SYT1: variants seen among roughly 807,000 people sequenced by gnomAD.
SYT1 encodes the protein synaptotagmin-1.
In SYT1, 8 loss-of-function variants were observed where a neutral mutation model predicts 44.8. The observed-to-expected ratio is 0.18, with a 90% confidence interval of 0.10 to 0.32. The LOEUF (loss-of-function observed/expected upper bound fraction) is 0.32, where lower values mean the gene tolerates loss of function less well. Ranked by LOEUF, SYT1 falls within the 10% of genes least tolerant of loss-of-function variation. The pLI, the probability that SYT1 is intolerant of heterozygous loss-of-function variation, is 1.00. For missense variants in SYT1, 286 were observed against 509.3 expected (o/e 0.56, Z 4.22); for synonymous variants, 154 against 188.8 (o/e 0.82, Z 1.51).
At chr12:79,366,939 TGTGTGTG>T (rs1565928043) in intron 9 of SYT1, among the ~76,000 whole-genome samples, 3 of 147,718 alleles carry the variant, frequency 2.0e-5, no homozygotes, top group African/African-American at 7.4e-5. Context: ...TGTGTGTGTG[TGTGTGTG>T]TTCAAAGAAT....
intron 9 of SYT1, among the ~76,000 whole-genome samples, chr12:79,363,434 A>G (rs751009433): frequency 3.0e-4 from 45 of 152,058 alleles, no homozygotes; most frequent in Non-Finnish European, 5.4e-4. Flanking sequence ...TTTTAAAAAC[A>G]ACTGTACTGG....
chr12:79,118,026 G>A (rs760837355), intron 3 of SYT1, among the ~76,000 whole-genome samples: 48 of 151,982 alleles, frequency 3.2e-4, no homozygotes, highest in Admixed American at 6.6e-4. Context: ...GCACAGAGCC[G>A]AGAAAGGAAC....
chr12:79,273,498 T>C (rs113045502), intron 4 of SYT1, among the ~76,000 whole-genome samples: 1,552 of 152,150 alleles, frequency 0.01, 19 homozygotes, highest in Middle Eastern at 0.048. Flanking sequence ...CAGTAGGCAG[T>C]GAGGCAGAAA....
intron 4 of SYT1, among the ~76,000 whole-genome samples, chr12:79,282,574 G>A (rs769788489): frequency 3.9e-5 from 6 of 151,970 alleles, no homozygotes; most frequent in Non-Finnish European, 8.8e-5. Context: ...GACTATTTTT[G>A]ACTGAAACTC....
chr12:79,043,314 A>T (rs1434628336), intron 2 of SYT1, among the ~76,000 whole-genome samples: 1 of 151,270 alleles, frequency 6.6e-6, no homozygotes, highest in Non-Finnish European at 1.5e-5. Context: ...GTCCTCCTGT[A>T]TTGGGTGCAT....
chr12:78,948,823 T>C (rs1305500320), intron 1 of SYT1, among the ~76,000 whole-genome samples: 5 of 151,906 alleles, frequency 3.3e-5, no homozygotes, highest in African/African-American at 1.2e-4. Context: ...ATAGTGTCCA[T>C]GGAGAGGTGT....
At chr12:79,005,447 A>C (rs922787515) in intron 2 of SYT1, among the ~76,000 whole-genome samples, 1 of 152,008 alleles carries the variant, frequency 6.6e-6, no homozygotes, top group Non-Finnish European at 1.5e-5. Flanking sequence ...ACTCATCTAC[A>C]GTTTCCTTAT....
At chr12:79,186,479 G>A (rs558210241) in intron 3 of SYT1, among the ~76,000 whole-genome samples, 50 of 152,034 alleles carry the variant, frequency 3.3e-4, no homozygotes, top group Middle Eastern at 3.4e-3. Context: ...ATATTCATGG[G>A]CATTTCAATT....
At chr12:79,410,731 T>C (rs1334746239) in intron 9 of SYT1, among the ~76,000 whole-genome samples, 1 of 152,148 alleles carries the variant, frequency 6.6e-6, no homozygotes, top group Admixed American at 6.6e-5. Flanking sequence ...GTGTTACTTT[T>C]CTATAATTAA....
At chr12:79,176,682 G>A (rs1871891198) in intron 3 of SYT1, among the ~76,000 whole-genome samples, 1 of 151,946 alleles carries the variant, frequency 6.6e-6, no homozygotes, top group Non-Finnish European at 1.5e-5. Flanking sequence ...AGTTGAAATA[G>A]TACAATGAAC....
At chr12:79,376,987 A>G (rs898380287) in intron 9 of SYT1, among the ~76,000 whole-genome samples, 9 of 152,234 alleles carry the variant, frequency 5.9e-5, no homozygotes, top group African/African-American at 1.9e-4. Context: ...ATTTTAGCTC[A>G]TATTTCTCCT....
At chr12:79,289,649 G>A (rs534494666) in intron 5 of SYT1, among the ~76,000 whole-genome samples, 205 of 152,046 alleles carry the variant, frequency 1.3e-3, no homozygotes, top group Non-Finnish European at 1.9e-3. Flanking sequence ...TTTTGAAAAA[G>A]GTATTTTAAT....
chr12:78,963,737 G>T lies in SYT1; in HGVS notation c.-216-14062G>T, dbSNP rs572199881. On this transcript the variant is annotated intron_variant, in intron 1 of 10. Coordinates refer to ENST00000261205, the MANE Select transcript of SYT1 (RefSeq NM_005639.3). ...ATGCTCTTGGTGAAAATGGAAAAAG[G>T]GTTCAGCTGCTAAAAAAGCAAGAGG... 5.9e-5 allele frequency among the ~76,000 whole-genome samples: 9 copies of T among 152,172 alleles called. No individual in the cohort carries two copies. In the East Asian group the frequency reaches 1.2e-3, roughly 20 times the overall value.
intron 3 of SYT1, among the ~76,000 whole-genome samples, chr12:79,213,514 A>G (rs1874591458): frequency 6.6e-6 from 1 of 152,268 alleles, no homozygotes; most frequent in Admixed American, 6.5e-5. Context: ...GAAATATTAT[A>G]TGCTTTAATA....
chr12:78,868,254 A>G (rs983792117), intron 1 of SYT1, among the ~76,000 whole-genome samples: 1 of 151,922 alleles, frequency 6.6e-6, no homozygotes, highest in African/African-American at 2.4e-5. Flanking sequence ...TGATTATATA[A>G]TGGAACAAAT....
chr12:79,313,377 C>A (rs1880903629), intron 8 of SYT1, among the ~76,000 whole-genome samples: 1 of 152,172 alleles, frequency 6.6e-6, no homozygotes, highest in African/African-American at 2.4e-5. Context: ...AGGTAAATTT[C>A]TCAAGGTTCT....
At chr12:79,132,132 A>G (rs192712697) in intron 3 of SYT1, among the ~76,000 whole-genome samples, 139 of 152,296 alleles carry the variant, frequency 9.1e-4, no homozygotes, top group Non-Finnish European at 1.5e-3. Context: ...AAAGTATGCA[A>G]AGGACTAAAT....
chr12:79,140,825 C>T (rs910549010), intron 3 of SYT1, among the ~76,000 whole-genome samples: 1 of 152,230 alleles, frequency 6.6e-6, no homozygotes, highest in Admixed American at 6.5e-5. Context: ...TATAGGCTAA[C>T]AGATTGCCAG....
chr12:79,224,027 A>G (rs1327700744), intron 4 of SYT1, among the ~76,000 whole-genome samples: 1 of 152,142 alleles, frequency 6.6e-6, no homozygotes, highest in East Asian at 1.9e-4. Flanking sequence ...GTATTATGCT[A>G]CTACCAGTTA....
Sources: gnomAD v4.1 joint callset for allele counts (sites outside exome capture counted in the v4.1 genomes callset) on GRCh38, gnomAD v4.1.1 for gene constraint, MANE v1.5 for transcripts, NCBI Gene and HGNC (gene_info 2026-07-23, HGNC 2026-07-21) for gene names.